DMD: variants seen among roughly 807,000 people sequenced by gnomAD.
The protein encoded by DMD is dystrophin.
A neutral mutation model predicts 330.1 loss-of-function variants in DMD; 63 were observed. The ratio of observed to expected loss-of-function variants is 0.19; its 90% confidence interval spans 0.16 to 0.24. The LOEUF is 0.24. DMD is among the 10% of genes least tolerant of loss of function. The probability of loss-of-function intolerance (pLI) is 1.00; values close to 1 mark genes in which losing one functional copy is unlikely to be tolerated. For synonymous variants in DMD, 1,223 were observed against 959.8 expected (o/e 1.27, Z -5.07); for missense variants, 3,344 against 2,684.1 (o/e 1.25, Z -5.43).
intron 7 of DMD, among the ~76,000 whole-genome samples, chrX:32,788,270 G>T (rs769988453): frequency 7.4e-4 from 83 of 111,704 alleles, no homozygotes; most frequent in Admixed American, 8.6e-4. Context: ...GGGGAGTGGG[G>T]CAGAGAGGCA....
intron 61 of DMD, among the ~76,000 whole-genome samples, chrX:31,345,557 A>C (rs1253222986): frequency 9.0e-6 from 1 of 111,718 alleles, no homozygotes; most frequent in Non-Finnish European, 1.9e-5. Context: ...GTGTCTGAGG[A>C]GTAATTAATA....
Position 32,303,071 on chromosome X carries a change from A to G in DMD, c.6117+7011T>C, listed in dbSNP as rs1168062998. Among the ~76,000 whole-genome samples, 21 of 111,734 alleles carry G rather than the reference A, an allele frequency of 1.9e-4. 1 individual carries two copies. The highest frequency in any genetic ancestry group is 1.8e-3 in the Admixed American group (19 of 10,502). On this transcript the variant is annotated intron_variant, in intron 42 of 78. Transcript: ENST00000357033. ...ATTATATGTGGGTTCCCTGTCACACATTTTCATAAATGATTGTTTTAGATT... is the reference window on the plus strand; with the variant it reads ...ATTATATGTGGGTTCCCTGTCACACGTTTTCATAAATGATTGTTTTAGATT...
intron 51 of DMD, among the ~76,000 whole-genome samples, chrX:31,743,692 G>T (rs1274885677): frequency 9.0e-6 from 1 of 111,264 alleles, no homozygotes. Flanking sequence ...CTACTAGAGT[G>T]GGGAGGGAGG....
At chrX:32,760,828 T>C (rs185452877) in intron 7 of DMD, among the ~76,000 whole-genome samples, 35 of 111,706 alleles carry the variant, frequency 3.1e-4, no homozygotes, top group African/African-American at 1.1e-3. Flanking sequence ...TGATACCTCA[T>C]ATATAAATGC....
In DMD at chrX:33,086,507, CATAGTT is replaced by C. The variant is rs1241405316; in HGVS notation, c.32-66313_32-66308del. Among the ~76,000 whole-genome samples, 88 of 110,772 alleles carry C rather than the reference CATAGTT, an allele frequency of 7.9e-4. 1 individual carries two copies. Among genetic ancestry groups the C allele is most frequent in the African/African-American group, 2.8e-3 (85 of 30,659 alleles). ...AAGTAGGTAACAGAAATTAATAACT[CATAGTT>C]ATATAATGGGGTTCCAAGATTTTAT... On this transcript the variant is annotated intron_variant, in intron 1 of 78. Transcript: ENST00000357033.
Position 31,364,329 on chromosome X carries a change from C to G in DMD, c.9085-15695G>C, listed in dbSNP as rs181456724. 1.3e-4 allele frequency among the ~76,000 whole-genome samples: 15 copies of G among 112,162 alleles called. No individual in the cohort carries two copies. The East Asian group carries it at 3.7e-3, about 27-fold the overall frequency. ...TGACCCAATTTGGGCCATAAAGAGT[C>G]AAGCCCATACTTGACCAGTCTTTAA... On this transcript the variant is annotated intron_variant, in intron 60 of 78. Transcript: ENST00000357033.
chrX:31,304,016 C>A (rs1049567197), intron 62 of DMD, among the ~76,000 whole-genome samples: 6 of 112,044 alleles, frequency 5.4e-5, no homozygotes, highest in Non-Finnish European at 1.1e-4. Flanking sequence ...AAGAGTATAT[C>A]TTTAGATAAA....
chrX:33,043,611 AAAAT>A (rs1318842456), intron 1 of DMD, among the ~76,000 whole-genome samples: 1 of 111,993 alleles, frequency 8.9e-6, no homozygotes, highest in African/African-American at 3.2e-5. Flanking sequence ...AGCTATAGAG[AAAAT>A]AAATAGAAAA....
chrX:33,078,960 C>CGTCACAATCTCCAGAGTTATT (rs1262439740), intron 1 of DMD, among the ~76,000 whole-genome samples: 1 of 111,928 alleles, frequency 8.9e-6, no homozygotes. Flanking sequence ...TCTATTCTAA[C>CGTCACAATCTCCAGAGTTATT]GTCACAATCT....
At chrX:32,168,494 A>T (rs1476268287) in intron 44 of DMD, among the ~76,000 whole-genome samples, 1 of 107,706 alleles carries the variant, frequency 9.3e-6, no homozygotes, top group African/African-American at 3.4e-5. Context: ...AATCTCTTTA[A>T]AAAAATTTGA....
chrX:31,239,996 A>T (rs1320377872), intron 63 of DMD, among the ~76,000 whole-genome samples: 2 of 111,972 alleles, frequency 1.8e-5, no homozygotes, highest in African/African-American at 6.5e-5. Flanking sequence ...CATTTGAATA[A>T]TGATTTTTTT....
At chrX:32,613,804 C>A (rs1265674859) in intron 12 of DMD, among the ~76,000 whole-genome samples, 10 of 111,332 alleles carry the variant, frequency 9.0e-5, no homozygotes, top group African/African-American at 3.3e-4. Flanking sequence ...TTTAAAAAAA[C>A]AACAACAAAT....
rs1234700953 is a variant in DMD at position 32,472,277 on chromosome X, C to G, written c.2836G>C (p.Glu946Gln). ...CATGTCCTGATGGCACTCATGGTCTCCTGATAGCGCATTGGTGGCAAAGTG... is the reference window on the plus strand; with the variant it reads ...CATGTCCTGATGGCACTCATGGTCTGCTGATAGCGCATTGGTGGCAAAGTG... ...FDTLPPMRYQ[E>Q]TMSAIRTWVQ... Residue 946 changes from glutamate (E) to glutamine (Q), a missense_variant, in exon 22 of 79, where the codon GAG (glutamate) becomes CAG (glutamine). Coordinates refer to ENST00000357033, the MANE Select transcript of DMD (RefSeq NM_004006.3). 1 of 1,210,701 alleles carries G rather than the reference C, an allele frequency of 8.3e-7. No homozygotes were observed. Among genetic ancestry groups the G allele is most frequent in the Non-Finnish European group, 1.1e-6 (1 of 895,099 alleles).
chrX:31,347,176 T>A (rs1466622696), intron 61 of DMD, among the ~76,000 whole-genome samples: 1 of 110,490 alleles, frequency 9.1e-6, no homozygotes, highest in Non-Finnish European at 1.9e-5. Context: ...ATAGAATGCA[T>A]AATGATCAAG....
At chrX:31,371,698 C>A (rs991350027) in intron 60 of DMD, among the ~76,000 whole-genome samples, 2 of 111,496 alleles carry the variant, frequency 1.8e-5, no homozygotes, top group South Asian at 3.9e-4. Flanking sequence ...CAGCAGGTAT[C>A]AAGATTTGGA....
chrX:31,928,217 G>C (rs778495344), intron 47 of DMD, among the ~76,000 whole-genome samples: 1 of 111,777 alleles, frequency 8.9e-6, no homozygotes, highest in South Asian at 3.7e-4. Flanking sequence ...CAAATTCATA[G>C]AAACAGAAAG....
chrX:33,009,688 GCACA>G lies in DMD; in HGVS notation c.93+10447_93+10450del, dbSNP rs2093593516. 3.6e-4 allele frequency among the ~76,000 whole-genome samples: 12 copies of G among 33,151 alleles called. 2 individuals are homozygous for G. The highest frequency in any genetic ancestry group is 1.5e-3 in the South Asian group (1 of 660). 28.8% of individuals were successfully genotyped at this position (33,151 alleles called of 115,157 possible). A position where few individuals can be genotyped will look rare whatever the true frequency, so the allele number is the denominator to read the frequency against. ...TATGTGTATACGTATATGTGTATAT[GCACA>G]TATGTGTGTATACGTATATGTGTAT... On this transcript the variant is annotated intron_variant, in intron 2 of 78. Coordinates refer to ENST00000357033, the MANE Select transcript of DMD (RefSeq NM_004006.3).
intron 2 of DMD, among the ~76,000 whole-genome samples, chrX:33,002,273 T>A: frequency 9.0e-6 from 1 of 111,265 alleles, no homozygotes; most frequent in Middle Eastern, 4.7e-3. Flanking sequence ...GATCAAAGAA[T>A]TGGACAAAAT....
At chrX:33,022,046 G>A (rs188561285) in intron 1 of DMD, among the ~76,000 whole-genome samples, 34 of 111,392 alleles carry the variant, frequency 3.1e-4, no homozygotes, top group African/African-American at 9.4e-4. Context: ...ATTGGTCAAC[G>A]CATCATTTAT....
Sources: allele counts gnomAD v4.1 joint callset (sites outside exome capture counted in the v4.1 genomes callset), GRCh38; gene constraint gnomAD v4.1.1; transcripts MANE v1.5; gene names NCBI Gene and HGNC (gene_info 2026-07-23, HGNC 2026-07-21).